Variants in DUSP22 observed in about 807,000 individuals in gnomAD.
The protein encoded by DUSP22 is dual specificity protein phosphatase 22.
A neutral mutation model predicts 24.5 loss-of-function variants in DUSP22; 24 were observed. That is an observed-to-expected ratio of 0.98 (90% CI 0.71 to 1.38). DUSP22 has a LOEUF of 1.38. Ranked by LOEUF, DUSP22 falls within the 40% of genes most tolerant of loss-of-function variation. The pLI is 0.00. For missense variants in DUSP22, 330 were observed against 269.2 expected (o/e 1.23, Z -1.58); for synonymous variants, 160 against 106.4 (o/e 1.50, Z -3.10).
intron 2 of DUSP22, among the ~76,000 whole-genome samples, chr6:310,464 A>AAG: frequency 1.3e-5 from 2 of 152,298 alleles, no homozygotes; most frequent in South Asian, 4.1e-4. Context: ...TAATTTTGTT[A>AAG]TCTTCTTAGT....
intron 4 of DUSP22, among the ~76,000 whole-genome samples, chr6:344,263 G>T (rs573999243): frequency 6.6e-6 from 1 of 151,122 alleles, no homozygotes; most frequent in Admixed American, 6.6e-5. Context: ...TAAGGCACGC[G>T]TCATCATTTA....
intron 1 of DUSP22, among the ~76,000 whole-genome samples, chr6:297,086 A>AT (rs1483373578): frequency 6.6e-6 from 1 of 152,306 alleles, no homozygotes; most frequent in Non-Finnish European, 1.5e-5. Context: ...AAAAAGCCTG[A>AT]TCTGGGGCAC....
intron 4 of DUSP22, among the ~76,000 whole-genome samples, chr6:345,170 T>C (rs1407174770): frequency 1.3e-5 from 2 of 152,270 alleles, no homozygotes; most frequent in African/African-American, 2.4e-5. Flanking sequence ...TTTGATGGTA[T>C]GGGACTAGGA....
At chr6:337,009 T>C (rs1474295630) in intron 4 of DUSP22, 3 of 152,458 alleles carry the variant, frequency 2.0e-5, no homozygotes, top group African/African-American at 4.8e-5. Flanking sequence ...AATTTGATTC[T>C]TTAGAAGAAA....
At chr6:328,348 C>A (rs555763119) in intron 3 of DUSP22, among the ~76,000 whole-genome samples, 3 of 152,306 alleles carry the variant, frequency 2.0e-5, no homozygotes, top group African/African-American at 7.2e-5. Flanking sequence ...TAACCCAGCC[C>A]GTACTGGCTG....
At chr6:293,905 A>G (rs1757208200) in intron 1 of DUSP22, among the ~76,000 whole-genome samples, 1 of 150,926 alleles carries the variant, frequency 6.6e-6, no homozygotes, top group African/African-American at 2.4e-5. Context: ...ATCCATCAGC[A>G]CCACGAGCCT....
At chr6:300,937 C>T (rs938551921) in intron 1 of DUSP22, among the ~76,000 whole-genome samples, 5 of 152,310 alleles carry the variant, frequency 3.3e-5, no homozygotes, top group Non-Finnish European at 5.9e-5. Context: ...CTGGGGCTAC[C>T]GCAAGATGCT....
intron 4 of DUSP22, among the ~76,000 whole-genome samples, chr6:343,374 T>TGGGACAGCTGACTGGCTGGCTGCAGG (rs1561680262): frequency 2.0e-5 from 3 of 152,238 alleles, no homozygotes; most frequent in East Asian, 3.9e-4. Flanking sequence ...GTGCACAGGC[T>TGGGACAGCTGACTGGCTGGCTGCAGG]GGGGCAGCTG....
chr6:336,188 A>T (rs1456624918), intron 4 of DUSP22, among the ~76,000 whole-genome samples: 1 of 152,302 alleles, frequency 6.6e-6, no homozygotes, highest in African/African-American at 2.4e-5. Context: ...TTAGCATCCC[A>T]TGCCACTGAG....
In DUSP22 at chr6:349,431, C is replaced by T. The variant is rs1760072883; in HGVS notation, c.*480C>T. The T allele has an allele frequency of 2.0e-6, 2 of 1,009,996 alleles. No individual in the cohort carries two copies. The highest frequency in any genetic ancestry group is 1.7e-5 in the African/African-American group (1 of 58,010). The allele number at this position is 1,009,996 out of a possible 1,614,324, so 62.6% of individuals were successfully genotyped here. A position where few individuals can be genotyped will look rare whatever the true frequency, so the allele number is the denominator to read the frequency against. On this transcript the variant is annotated 3_prime_UTR_variant, in exon 7 of 7. Transcript: ENST00000419235. ...CCACCTTTCCCTTTGTCCAAGACTC[C>T]ACATGGAAGGCATTTGAGCTCGACC... is the stretch of plus-strand genomic sequence containing the variant.
In DUSP22 at chr6:348,916, C is replaced by G. The variant is rs528424919; in HGVS notation, c.583C>G (p.Pro195Ala). Residue 195 changes from proline to alanine, a missense_variant, in exon 7 of 7, where the codon CCG becomes GCG. Physicochemically the swap from Pro to Ala is conservative, Grantham distance 27. Coordinates refer to ENST00000419235, the MANE Select transcript of DUSP22 (RefSeq NM_001286555.3). ...GTGGAGCAGTTTTCCGGCACTGGCTCCGCTGACCTACGATAATTATACGAC... is the reference window on the plus strand; with the variant it reads ...GTGGAGCAGTTTTCCGGCACTGGCTGCGCTGACCTACGATAATTATACGAC... Reference protein sequence around the residue: ...RRWSSFPALAPLTYDNYTTET With the variant: ...RRWSSFPALAALTYDNYTTET 6.2e-7 allele frequency: 1 copy of G among 1,612,452 alleles called. No individual in the cohort carries two copies. The highest frequency in any genetic ancestry group is 1.3e-5 in the African/African-American group (1 of 75,056).
intron 5 of DUSP22, among the ~76,000 whole-genome samples, chr6:346,274 C>T (rs1434772745): frequency 6.6e-6 from 1 of 152,306 alleles, no homozygotes; most frequent in African/African-American, 2.4e-5. Flanking sequence ...TCTGTAGGCT[C>T]ATCCTTGAAA....
intron 3 of DUSP22, among the ~76,000 whole-genome samples, chr6:313,859 G>A (rs555159522): frequency 2.0e-5 from 3 of 152,422 alleles, no homozygotes; most frequent in South Asian, 4.1e-4. Context: ...AAAAGTGAGG[G>A]GCCAAAAGTT....
At chr6:299,398 A>G (rs1438340766) in intron 1 of DUSP22, among the ~76,000 whole-genome samples, 2 of 152,308 alleles carry the variant, frequency 1.3e-5, no homozygotes, top group African/African-American at 4.8e-5. Flanking sequence ...TCGTGAAAAT[A>G]GATGGGTCAA....
intron 3 of DUSP22, among the ~76,000 whole-genome samples, chr6:328,151 G>C (rs533340717): frequency 6.6e-6 from 1 of 152,302 alleles, no homozygotes; most frequent in Non-Finnish European, 1.5e-5. Flanking sequence ...GAGATGGGTT[G>C]TTCAGGCTTC....
intron 2 of DUSP22, 98 bp downstream of exon 2, chr6:304,759 AT>A: frequency 6.6e-7 from 1 of 1,525,118 alleles, no homozygotes; most frequent in Non-Finnish European, 9.1e-7. Flanking sequence ...GCTTTAAGTA[AT>A]TTGCATTGCT....
chr6:309,940 T>TTTG (rs372132133), intron 2 of DUSP22, among the ~76,000 whole-genome samples: 12 of 152,278 alleles, frequency 7.9e-5, no homozygotes, highest in South Asian at 6.2e-4. Context: ...TTTGCCTTTC[T>TTTG]TTGTTGTTGT....
intron 1 of DUSP22, among the ~76,000 whole-genome samples, chr6:302,710 A>G (rs1757640191): frequency 6.6e-6 from 1 of 152,298 alleles, no homozygotes. Flanking sequence ...GATCTAGAAA[A>G]TCGCCTAGTG....
chr6:301,404 G>C (rs1450854193), intron 1 of DUSP22, among the ~76,000 whole-genome samples: 1 of 152,306 alleles, frequency 6.6e-6, no homozygotes, highest in South Asian at 2.1e-4. Context: ...AAGAAGTTGG[G>C]GGAAATCCTT....
Sources: gnomAD v4.1 joint callset for allele counts (sites outside exome capture counted in the v4.1 genomes callset) on GRCh38, gnomAD v4.1.1 for gene constraint, MANE v1.5 for transcripts, NCBI Gene and HGNC (gene_info 2026-07-23, HGNC 2026-07-21) for gene names.